Variants in MTUS2 observed in about 807,000 individuals in gnomAD.
MTUS2 encodes microtubule associated scaffold protein 2.
In MTUS2, 40 loss-of-function variants were observed where a neutral mutation model predicts 114.1. That is an observed-to-expected ratio of 0.35 (90% CI 0.27 to 0.46). The LOEUF is 0.46. Among genes scored for constraint, MTUS2 ranks in the 20% least tolerant of loss-of-function variants. The pLI is 1.00. For missense variants in MTUS2, 1,679 were observed against 1,705.4 expected, an observed-to-expected ratio of 0.98 and a Z score of 0.27; for synonymous variants, 688 against 672.0, an observed-to-expected ratio of 1.02 and a Z score of -0.37.
chr13:29,057,079 G>T (rs1378472501), intron 4 of MTUS2, among the ~76,000 whole-genome samples: 1 of 151,918 alleles, frequency 6.6e-6, no homozygotes, highest in Non-Finnish European at 1.5e-5. Context: ...GTCATTCAGG[G>T]GTAGGTGGTT....
intron 4 of MTUS2, among the ~76,000 whole-genome samples, chr13:29,054,409 T>C (rs956425567): frequency 6.6e-6 from 1 of 152,168 alleles, no homozygotes; most frequent in Admixed American, 6.6e-5. Context: ...GAGTAGACTT[T>C]TAATTTTGAT....
intron 15 of MTUS2, among the ~76,000 whole-genome samples, chr13:29,501,477 T>G (rs1882898808): frequency 6.6e-6 from 1 of 152,070 alleles, no homozygotes; most frequent in Non-Finnish European, 1.5e-5. Flanking sequence ...TGGAAGAGAT[T>G]AGGAGAGGAG....
intron 8 of MTUS2, among the ~76,000 whole-genome samples, chr13:29,401,359 T>C (rs936073880): frequency 5.9e-5 from 9 of 152,216 alleles, no homozygotes; most frequent in Non-Finnish European, 1.2e-4. Flanking sequence ...TTAACATATA[T>C]AAGATTTTAC....
intron 2 of MTUS2, among the ~76,000 whole-genome samples, chr13:29,014,552 C>A (rs1885986072): frequency 6.6e-6 from 1 of 152,120 alleles, no homozygotes; most frequent in Admixed American, 6.5e-5. Context: ...TAAACAAACA[C>A]ATAAAATAGC....
At chr13:29,245,854 G>A (rs1022768693) in intron 5 of MTUS2, among the ~76,000 whole-genome samples, 26 of 152,070 alleles carry the variant, frequency 1.7e-4, no homozygotes, top group African/African-American at 5.8e-4. Flanking sequence ...CTGCCACCAC[G>A]CCCGGCTAAT....
At chr13:29,345,995 C>T (rs1404784653) in intron 7 of MTUS2, among the ~76,000 whole-genome samples, 2 of 152,194 alleles carry the variant, frequency 1.3e-5, no homozygotes, top group East Asian at 1.9e-4. Flanking sequence ...GCAAAGAGTC[C>T]TCTGATGTCA....
rs372404729 is a variant in MTUS2, at chr13:29,381,422, T to A, written c.3117+21949T>A. The stretch of plus-strand genomic sequence containing the variant: ...CCTGTCAAAATATAAGAATTACTTA[T>A]AGGTATTGCAACTAAGAGGAATCAT... On this transcript the variant is annotated intron_variant, in intron 8 of 15. Transcript: ENST00000612955. 3.3e-5 allele frequency among the ~76,000 whole-genome samples: 5 copies of A among 152,358 alleles called. No individual in the cohort carries two copies. The East Asian group carries it at 9.6e-4, about 29-fold the overall frequency.
intron 7 of MTUS2, among the ~76,000 whole-genome samples, chr13:29,336,606 A>C (rs895729876): frequency 1.3e-5 from 2 of 152,206 alleles, no homozygotes; most frequent in African/African-American, 4.8e-5. Flanking sequence ...CTCCCAGTAC[A>C]GGAGGCATGG....
chr13:29,437,716 T>C (rs1566199758), intron 8 of MTUS2, among the ~76,000 whole-genome samples: 2 of 152,026 alleles, frequency 1.3e-5, no homozygotes, highest in African/African-American at 4.8e-5. Context: ...CAGCCACAGA[T>C]TGGACAGATT....
In MTUS2 at chr13:28,832,166, G is replaced by C. The variant is rs530166704; in HGVS notation, c.-315-7612G>C. 2.6e-5 allele frequency among the ~76,000 whole-genome samples: 4 copies of C among 152,230 alleles called. No homozygotes were observed. The South Asian group carries it at 8.3e-4, about 32-fold the overall frequency. On this transcript the variant is annotated intron_variant, in intron 1 of 15. Transcript: ENST00000612955. ...CTTGAGCAACTTTATAAGCCAACTGGAATTAACAGACACCTAAAGAACACT... is the reference window on the plus strand; with the variant it reads ...CTTGAGCAACTTTATAAGCCAACTGCAATTAACAGACACCTAAAGAACACT...
intron 4 of MTUS2, among the ~76,000 whole-genome samples, chr13:29,045,405 G>A (rs1887568290): frequency 6.6e-6 from 1 of 152,018 alleles, no homozygotes; most frequent in Non-Finnish European, 1.5e-5. Flanking sequence ...ATTCATGAGG[G>A]CCCCACTCTC....
At position 29,285,667 on chromosome 13, in the gene MTUS2, C is replaced by T. The variant is rs144982461; in HGVS notation, c.2806+3802C>T. Among the ~76,000 whole-genome samples, 303 of 152,142 alleles carry T rather than the reference C, an allele frequency of 2.0e-3. 2 individuals carry two copies. Among genetic ancestry groups the T allele is most frequent in the African/African-American group, 6.9e-3 (287 of 41,510 alleles). Reference sequence around the variant, plus strand: ...CTCTGGGAAGCTCTATGGGACACACCCTCTGATGTACTCGGCAAGAGCAAC... The same window carrying T: ...CTCTGGGAAGCTCTATGGGACACACTCTCTGATGTACTCGGCAAGAGCAAC... On this transcript the variant is annotated intron_variant, in intron 6 of 15. Coordinates refer to ENST00000612955, the MANE Select transcript of MTUS2 (RefSeq NM_001033602.4).
At chr13:29,281,667 A>T (rs1224408888) in intron 5 of MTUS2, 37 bp from the exon 6 acceptor site, 2 of 1,549,474 alleles carry the variant, frequency 1.3e-6, no homozygotes, top group Non-Finnish European at 1.8e-6. Context: ...TCCATTTTTC[A>T]TGAAGTTATA....
At chr13:29,265,691 C>T (rs768192398) in intron 5 of MTUS2, among the ~76,000 whole-genome samples, 9 of 152,122 alleles carry the variant, frequency 5.9e-5, no homozygotes, top group African/African-American at 2.2e-4. Flanking sequence ...GAAGGCTAAG[C>T]GGGAGCAGGA....
At position 29,441,737 on chromosome 13, in the gene MTUS2, C is replaced by T. The variant is rs533364638; in HGVS notation, c.3184+1688C>T. Among the ~76,000 whole-genome samples, 7 of 152,266 alleles carry T rather than the reference C, an allele frequency of 4.6e-5. No individual in the cohort carries two copies. In the East Asian group the frequency reaches 1.4e-3, roughly 29 times the overall value. On this transcript the variant is annotated intron_variant, in intron 9 of 15. Transcript: ENST00000612955. ...CCTTCACCCGTGGAGCCATGGGTCCCATGTGATTGGCTGCCCTCCCGTGCA... is the reference window on the plus strand; with the variant it reads ...CCTTCACCCGTGGAGCCATGGGTCCTATGTGATTGGCTGCCCTCCCGTGCA...
chr13:29,218,974 A>G (rs1202118671), intron 5 of MTUS2, among the ~76,000 whole-genome samples: 1 of 149,302 alleles, frequency 6.7e-6, no homozygotes, highest in Non-Finnish European at 1.5e-5. Flanking sequence ...TTTGTCATAT[A>G]TATTTTTTTT....
At position 29,505,855 on chromosome 13, in the gene MTUS2, T is replaced by G. The variant is rs1883206397; in HGVS notation, c.*2649T>G. The G allele has an allele frequency of 4.4e-6, 1 of 228,450 alleles. No homozygotes were observed. Among genetic ancestry groups the G allele is most frequent in the African/African-American group, 2.2e-5 (1 of 45,012 alleles). 14.2% of individuals were successfully genotyped at this position (228,450 alleles called of 1,614,324 possible). A position where few individuals can be genotyped will look rare whatever the true frequency, so the allele number is the denominator to read the frequency against. ...CCCTGGCCGTGATTAGTTGAATGAA[T>G]GGGGTCACAACATCCCTTTTCCTGC... is the stretch of plus-strand genomic sequence containing the variant. On this transcript the variant is annotated 3_prime_UTR_variant, in exon 16 of 16. Coordinates refer to ENST00000612955, the MANE Select transcript of MTUS2 (RefSeq NM_001033602.4).
intron 7 of MTUS2, among the ~76,000 whole-genome samples, chr13:29,344,259 G>A (rs9550461): frequency 0.73 from 110,447 of 151,802 alleles, 44,202 homozygotes; most frequent in East Asian, 0.9. Flanking sequence ...GAAGTCTCCC[G>A]CTGTTATTGT....
At chr13:29,045,904 C>G (rs911850167) in intron 4 of MTUS2, among the ~76,000 whole-genome samples, 1 of 151,516 alleles carries the variant, frequency 6.6e-6, no homozygotes, top group Non-Finnish European at 1.5e-5. Flanking sequence ...TTCCCATCCC[C>G]AAAACAAAAC....
Sources: gnomAD v4.1 joint callset for allele counts (sites outside exome capture counted in the v4.1 genomes callset) on GRCh38, gnomAD v4.1.1 for gene constraint, MANE v1.5 for transcripts, NCBI Gene and HGNC (gene_info 2026-07-23, HGNC 2026-07-21) for gene names.